Variants in CSMD1 observed in about 807,000 individuals in gnomAD.
The protein encoded by CSMD1 is CUB and sushi domain-containing protein 1.
A neutral mutation model predicts 417.5 loss-of-function variants in CSMD1; 213 were observed. That is an observed-to-expected ratio of 0.51 (90% CI 0.46 to 0.57). CSMD1 has a LOEUF of 0.57. Among genes scored for constraint, CSMD1 ranks in the 20% least tolerant of loss-of-function variants. CSMD1 has a pLI of 0.00. For missense variants in CSMD1, 6,923 were observed against 4,529.7 expected (o/e 1.53, Z -15.17); for synonymous variants, 2,862 against 1,736.8 (o/e 1.65, Z -16.11).
intron 1 of CSMD1, among the ~76,000 whole-genome samples, chr8:4,645,348 C>A (rs1038060): frequency 6.7e-6 from 1 of 150,174 alleles, no homozygotes; most frequent in East Asian, 2.0e-4. Flanking sequence ...ATGTTTTCAC[C>A]TACTGAGAAA....
At chr8:4,124,234 G>A (rs111344190) in intron 3 of CSMD1, among the ~76,000 whole-genome samples, 36 of 152,268 alleles carry the variant, frequency 2.4e-4, no homozygotes, top group Admixed American at 2.2e-3. Context: ...GCAGGGGAGT[G>A]TGAGGCCTGA....
At chr8:3,935,009 C>T (rs1201162417) in intron 5 of CSMD1, among the ~76,000 whole-genome samples, 1 of 152,152 alleles carries the variant, frequency 6.6e-6, no homozygotes, top group African/African-American at 2.4e-5. Context: ...TAATCAAGTG[C>T]ATGGAGTATC....
chr8:4,489,790 G>A (rs1321378609), intron 2 of CSMD1, among the ~76,000 whole-genome samples: 3 of 152,178 alleles, frequency 2.0e-5, no homozygotes, highest in African/African-American at 7.2e-5. Context: ...TCCTTCTTTA[G>A]TAAAGCCTGA....
intron 2 of CSMD1, among the ~76,000 whole-genome samples, chr8:4,581,964 T>C (rs1437094942): frequency 6.6e-6 from 1 of 152,138 alleles, no homozygotes; most frequent in East Asian, 1.9e-4. Flanking sequence ...AAGGAAGCAT[T>C]TGATGGAAGA....
chr8:3,020,034 C>G (rs1231929264), intron 51 of CSMD1, among the ~76,000 whole-genome samples: 1 of 152,174 alleles, frequency 6.6e-6, no homozygotes, highest in Non-Finnish European at 1.5e-5. Flanking sequence ...CACAGTAAAC[C>G]ACAAGAGGCA....
chr8:4,974,958 A>T (rs1342017485), intron 1 of CSMD1, among the ~76,000 whole-genome samples: 1 of 152,224 alleles, frequency 6.6e-6, no homozygotes, highest in Non-Finnish European at 1.5e-5. Flanking sequence ...TCGACAATAG[A>T]TTCAAGTCGA....
intron 5 of CSMD1, among the ~76,000 whole-genome samples, chr8:3,897,809 G>C (rs756402580): frequency 3.3e-5 from 5 of 152,134 alleles, no homozygotes; most frequent in Non-Finnish European, 4.4e-5. Context: ...TGCTTCGTAA[G>C]TTCATCTCCA....
In CSMD1 at chr8:3,263,696, C is replaced by G. The variant is rs187537520; in HGVS notation, c.4153+20448G>C. Among the ~76,000 whole-genome samples the G allele has an allele frequency of 2.6e-3, 397 of 152,246 alleles. 1 individual carries two copies. Among genetic ancestry groups the G allele is most frequent in the Non-Finnish European group, 4.3e-3 (293 of 68,008 alleles). On this transcript the variant is annotated intron_variant, in intron 26 of 69. Transcript: ENST00000635120. ...AAAAATAGGATAAGTGAATACTGTT[C>G]ACAATAGTATTTGAATCACTTATCC...
intron 5 of CSMD1, among the ~76,000 whole-genome samples, chr8:3,803,821 T>A (rs968843171): frequency 5.9e-5 from 9 of 152,194 alleles, no homozygotes; most frequent in African/African-American, 2.2e-4. Flanking sequence ...AATGGACCAC[T>A]GTAGACACCT....
intron 7 of CSMD1, among the ~76,000 whole-genome samples, chr8:3,703,970 C>T (rs895337462): frequency 6.6e-6 from 1 of 152,100 alleles, no homozygotes; most frequent in Non-Finnish European, 1.5e-5. Flanking sequence ...ATTTGGGAGG[C>T]TGAGACAGGA....
intron 9 of CSMD1, among the ~76,000 whole-genome samples, chr8:3,579,464 G>A (rs1208194829): frequency 6.6e-6 from 1 of 152,140 alleles, no homozygotes; most frequent in East Asian, 1.9e-4. Context: ...ATTTAAATTA[G>A]TGGGATTTCA....
chr8:4,721,361 G>C (rs552952402), intron 1 of CSMD1, among the ~76,000 whole-genome samples: 9 of 152,208 alleles, frequency 5.9e-5, no homozygotes, highest in Admixed American at 4.6e-4. Flanking sequence ...ACTGCCTAGT[G>C]ATAGACAAGT....
chr8:4,230,014 T>G (rs1328438647), intron 3 of CSMD1, among the ~76,000 whole-genome samples: 3 of 152,214 alleles, frequency 2.0e-5, no homozygotes, highest in African/African-American at 7.2e-5. Flanking sequence ...CATATGATTT[T>G]GCTATTCAAC....
intron 1 of CSMD1, chr8:4,788,237 T>C (rs1050170222): frequency 1.3e-5 from 21 of 1,589,820 alleles, no homozygotes; most frequent in Middle Eastern, 1.8e-4. Context: ...CAGATGAAAC[T>C]CTGAGGGTTA....
intron 3 of CSMD1, among the ~76,000 whole-genome samples, chr8:4,407,872 C>G (rs1440675807): frequency 6.6e-6 from 1 of 152,068 alleles, no homozygotes; most frequent in Non-Finnish European, 1.5e-5. Context: ...ATGTTGAAAG[C>G]TCATATTTAT....
chr8:4,537,270 A>G (rs73182943), intron 2 of CSMD1, among the ~76,000 whole-genome samples: 20,237 of 152,176 alleles, frequency 0.13, 1,395 homozygotes, highest in Admixed American at 0.15. Flanking sequence ...TTAGAAATAA[A>G]TTATCCATCT....
At chr8:3,727,204 T>C (rs948567704) in intron 6 of CSMD1, among the ~76,000 whole-genome samples, 1 of 152,236 alleles carries the variant, frequency 6.6e-6, no homozygotes, top group African/African-American at 2.4e-5. Flanking sequence ...TTTTAAATTG[T>C]GTTTATTTTC....
chr8:4,116,980 A>G (rs1465236185), intron 3 of CSMD1, among the ~76,000 whole-genome samples: 1 of 151,998 alleles, frequency 6.6e-6, no homozygotes, highest in East Asian at 1.9e-4. Context: ...GGCTACACCT[A>G]GTGACTATCT....
At chr8:4,670,523 G>A (rs748790369) in intron 1 of CSMD1, among the ~76,000 whole-genome samples, 27 of 152,172 alleles carry the variant, frequency 1.8e-4, no homozygotes, top group Non-Finnish European at 3.1e-4. Context: ...AGTGCTAACT[G>A]CAAGGGATAC....
Sources: gnomAD v4.1 joint callset for allele counts (sites outside exome capture counted in the v4.1 genomes callset) on GRCh38, gnomAD v4.1.1 for gene constraint, MANE v1.5 for transcripts, NCBI Gene and HGNC (gene_info 2026-07-23, HGNC 2026-07-21) for gene names.